CLDN14: variants seen among roughly 807,000 people sequenced by gnomAD.
CLDN14 encodes the protein claudin-14.
CLDN14 carries 2 observed loss-of-function variants against 2.1 expected under a neutral mutation model. That is an observed-to-expected ratio of 0.96 (90% CI 0.39 to 3.01). CLDN14 has a LOEUF of 3.01. Ranked by LOEUF, CLDN14 falls within the 30% of genes most tolerant of loss-of-function variation. The pLI, the probability that CLDN14 is intolerant of heterozygous loss-of-function variation, is 0.09. For synonymous variants in CLDN14, 136 were observed against 154.4 expected (o/e 0.88, Z 0.88); for missense variants, 298 against 328.0 (o/e 0.91, Z 0.71).
chr21:36,510,135 G>A (rs1483789006), intron 2 of CLDN14, among the ~76,000 whole-genome samples: 1 of 152,190 alleles, frequency 6.6e-6, no homozygotes, highest in Admixed American at 6.5e-5. Flanking sequence ...GCATAGCTCT[G>A]GGCCAGTCAA....
chr21:36,482,387 TGGATGGATGGATGGATGGATAGAC>T (rs1180265902), upstream of CLDN14, among the ~76,000 whole-genome samples: 56 of 139,458 alleles, frequency 4.0e-4, no homozygotes, highest in East Asian at 2.6e-3. Context: ...GATGGATGGA[TGGATGGATGGATGGATGGATAGAC>T]GGATGGATGG....
intron 1 of CLDN14, among the ~76,000 whole-genome samples, chr21:36,518,030 T>C (rs1470663281): frequency 6.6e-6 from 1 of 151,192 alleles, no homozygotes; most frequent in Non-Finnish European, 1.5e-5. Context: ...GGCTCCACAA[T>C]TACATGTCAA....
rs1395016125 is a variant in CLDN14, at chr21:36,523,777, A to AAGAAAGAGAGAGAGAGAGAG, written c.-219-13278_-219-13277insCTCTCTCTCTCTCTCTTTCT. On this transcript the variant is annotated intron_variant, in intron 1 of 2. Transcript: ENST00000342108. ...AAAAAAAAAAAGAAAGAAAGAGAGA[A>AAGAAAGAGAGAGAGAGAGAG]AGAGAGAAAGAAAGAAAGAAAGAAA... Among the ~76,000 whole-genome samples, 57 of 68,918 alleles carry AAGAAAGAGAGAGAGAGAGAG rather than the reference A, an allele frequency of 8.3e-4. 7 individuals carry two copies. The highest frequency in any genetic ancestry group is 3.3e-3 in the South Asian group (6 of 1,806). 45.2% of individuals were successfully genotyped at this position (68,918 alleles called of 152,430 possible).
intron 1 of CLDN14, among the ~76,000 whole-genome samples, chr21:36,569,550 T>C (rs1388173722): frequency 6.6e-6 from 1 of 152,208 alleles, no homozygotes; most frequent in African/African-American, 2.4e-5. Flanking sequence ...TCAAATGAAT[T>C]ATCAAATTAG....
chr21:36,503,020 A>C (rs1340287907), intron 2 of CLDN14, among the ~76,000 whole-genome samples: 1 of 152,234 alleles, frequency 6.6e-6, no homozygotes, highest in African/African-American at 2.4e-5. Flanking sequence ...TCTAACATGC[A>C]GCCAGCTTGA....
chr21:36,510,711 C>T (rs1010860374), intron 1 of CLDN14, among the ~76,000 whole-genome samples: 1 of 152,198 alleles, frequency 6.6e-6, no homozygotes, highest in Non-Finnish European at 1.5e-5. Flanking sequence ...ATGAAAATTC[C>T]CCTTGAAAGA....
chr21:36,498,311 G>A lies in CLDN14; in HGVS notation c.-82+12052C>T, dbSNP rs1363552604. Among the ~76,000 whole-genome samples the A allele has an allele frequency of 2.0e-5, 3 of 152,034 alleles. No homozygotes were observed. The highest frequency in any genetic ancestry group is 1.9e-4 in the East Asian group (1 of 5,182). On this transcript the variant is annotated intron_variant, in intron 2 of 2. Coordinates refer to the CLDN14 transcript ENST00000342108. The surrounding 1 kb of genome is among the most constrained non-coding windows in gnomAD (Gnocchi z 4.9). ...CCACTGCGCCCAGACAGGAAGATGCGTTTGTGAGCCGGGACAATTGTGAGT... is the reference window on the plus strand; with the variant it reads ...CCACTGCGCCCAGACAGGAAGATGCATTTGTGAGCCGGGACAATTGTGAGT...
chr21:36,500,414 C>A (rs987851244), intron 2 of CLDN14, among the ~76,000 whole-genome samples: 1 of 152,190 alleles, frequency 6.6e-6, no homozygotes, highest in Non-Finnish European at 1.5e-5. Context: ...GAAAGAGATA[C>A]ATTCCATTCA....
intron 1 of CLDN14, among the ~76,000 whole-genome samples, chr21:36,525,609 T>C (rs2087320332): frequency 6.6e-6 from 1 of 151,670 alleles, no homozygotes; most frequent in Non-Finnish European, 1.5e-5. Flanking sequence ...CTGGCAGAGG[T>C]GTGAATGGTG....
intron 1 of CLDN14, among the ~76,000 whole-genome samples, chr21:36,546,172 C>T (rs933359041): frequency 6.6e-6 from 1 of 152,186 alleles, no homozygotes; most frequent in Non-Finnish European, 1.5e-5. Flanking sequence ...TCACTTTTTG[C>T]AGAATCACTT....
intron 1 of CLDN14, among the ~76,000 whole-genome samples, chr21:36,562,808 G>A (rs997885006): frequency 2.0e-5 from 3 of 152,024 alleles, no homozygotes; most frequent in South Asian, 2.1e-4. Flanking sequence ...GTCAAGCGGT[G>A]TAGTTTTGTG....
chr21:36,554,652 A>T (rs2087585865), intron 1 of CLDN14, among the ~76,000 whole-genome samples: 1 of 152,156 alleles, frequency 6.6e-6, no homozygotes, highest in African/African-American at 2.4e-5. Flanking sequence ...CTGAGGTCAG[A>T]GTCGGCATTC....
At chr21:36,547,015 C>T (rs754121068) in intron 1 of CLDN14, among the ~76,000 whole-genome samples, 1 of 152,190 alleles carries the variant, frequency 6.6e-6, no homozygotes, top group Admixed American at 6.5e-5. Flanking sequence ...CTACAACGCA[C>T]AGGACAATCC....
intron 1 of CLDN14, among the ~76,000 whole-genome samples, chr21:36,526,779 C>T (rs2087334016): frequency 6.6e-6 from 1 of 152,234 alleles, no homozygotes; most frequent in South Asian, 2.1e-4. Context: ...TTAATCTTCC[C>T]TCCAGGCTTT....
intron 1 of CLDN14, among the ~76,000 whole-genome samples, chr21:36,542,071 C>T (rs896814422): frequency 3.9e-5 from 6 of 152,290 alleles, no homozygotes; most frequent in Admixed American, 3.3e-4. Context: ...GATTCTCCTG[C>T]CTCAGCCTCC....
chr21:36,465,053 A>T (rs894149722), intron 1 of CLDN14, among the ~76,000 whole-genome samples: 19 of 152,196 alleles, frequency 1.2e-4, no homozygotes, highest in Admixed American at 1.2e-3. Flanking sequence ...GGGGTTGCCC[A>T]GGACAGGGAC....
intron 1 of CLDN14, among the ~76,000 whole-genome samples, chr21:36,511,695 G>A (rs1265854876): frequency 6.6e-6 from 1 of 151,906 alleles, no homozygotes; most frequent in Non-Finnish European, 1.5e-5. Flanking sequence ...GCTACTACAG[G>A]AAGCCCAGCA....
chr21:36,493,626 G>A (rs965591954), intron 2 of CLDN14, among the ~76,000 whole-genome samples: 5 of 152,090 alleles, frequency 3.3e-5, no homozygotes, highest in African/African-American at 1.2e-4. Context: ...GAGGGAAGGC[G>A]AGGAAGGGAA....
intron 1 of CLDN14, among the ~76,000 whole-genome samples, chr21:36,538,645 GAC>G (rs2087452459): frequency 6.6e-6 from 1 of 152,068 alleles, no homozygotes; most frequent in Non-Finnish European, 1.5e-5. Flanking sequence ...AAAAAGAAGA[GAC>G]AGCATTTCAG....
Sources: allele counts gnomAD v4.1 joint callset (sites outside exome capture counted in the v4.1 genomes callset), GRCh38; gene constraint gnomAD v4.1.1; non-coding constraint Gnocchi (gnomAD v3.1); transcripts MANE v1.5; gene names NCBI Gene and HGNC (gene_info 2026-07-23, HGNC 2026-07-21).